Variants in TTC7B observed in about 807,000 individuals in gnomAD.
TTC7B encodes tetratricopeptide repeat domain 7B.
TTC7B carries 28 observed loss-of-function variants against 106.8 expected under a neutral mutation model. The ratio of observed to expected loss-of-function variants is 0.26; its 90% CI spans 0.19 to 0.36. The LOEUF is 0.36. Among genes scored for constraint, TTC7B ranks in the 10% least tolerant of loss-of-function variants. TTC7B has a pLI of 1.00. For missense variants in TTC7B, 862 were observed against 1,076.4 expected (o/e 0.80, Z 2.79); for synonymous variants, 405 against 430.6 (o/e 0.94, Z 0.74).
At chr14:90,673,481 T>C (rs1275999917) in intron 9 of TTC7B, among the ~76,000 whole-genome samples, 3 of 152,216 alleles carry the variant, frequency 2.0e-5, no homozygotes, top group African/African-American at 7.2e-5. Flanking sequence ...AACAGAAGGA[T>C]GGCATGTCTA....
At chr14:90,571,826 A>G (rs932117246) in intron 19 of TTC7B, among the ~76,000 whole-genome samples, 1 of 152,216 alleles carries the variant, frequency 6.6e-6, no homozygotes, top group African/African-American at 2.4e-5. Flanking sequence ...AAAACTGCAG[A>G]TGTGCCAATG....
chr14:90,802,580 A>G lies in TTC7B; in HGVS notation c.121+13595T>C, dbSNP rs1426783318. Among the ~76,000 whole-genome samples, 2 of 152,182 alleles carry G rather than the reference A, an allele frequency of 1.3e-5. No homozygotes were observed. The highest frequency in any genetic ancestry group is 4.8e-5 in the African/African-American group (2 of 41,458). On this transcript the variant is annotated intron_variant, in intron 1 of 19. Coordinates refer to ENST00000328459, the MANE Select transcript of TTC7B (RefSeq NM_001010854.2). This position sits in a 1 kb window ranked among gnomAD's most constrained non-coding sequence, Gnocchi z 4.7. ...AAAGTATGAGGCAAGGTCATGAGCTAGGCATGAGAGGGTGGCTTTCAAAGG... is the reference window on the plus strand; with the variant it reads ...AAAGTATGAGGCAAGGTCATGAGCTGGGCATGAGAGGGTGGCTTTCAAAGG...
intron 6 of TTC7B, among the ~76,000 whole-genome samples, chr14:90,693,755 G>T (rs1887563522): frequency 6.6e-6 from 1 of 152,172 alleles, no homozygotes; most frequent in Non-Finnish European, 1.5e-5. Context: ...CATAACTGCT[G>T]GTGGGAATGT....
At chr14:90,761,445 C>T (rs1250303370) in intron 3 of TTC7B, among the ~76,000 whole-genome samples, 3 of 152,236 alleles carry the variant, frequency 2.0e-5, no homozygotes, top group South Asian at 4.1e-4. Flanking sequence ...GACCATTTTC[C>T]ACACCCCTAT....
At chr14:90,809,371 G>C (rs1306731599) in intron 1 of TTC7B, among the ~76,000 whole-genome samples, 1 of 152,234 alleles carries the variant, frequency 6.6e-6, no homozygotes, top group African/African-American at 2.4e-5. Context: ...ACAAGCAAGG[G>C]AGTGTATCTA....
intron 2 of TTC7B, among the ~76,000 whole-genome samples, chr14:90,782,012 A>G (rs183173413): frequency 6.6e-6 from 1 of 152,340 alleles, no homozygotes; most frequent in African/African-American, 2.4e-5. Context: ...TGCTTACAGA[A>G]GCACACCATG....
intron 15 of TTC7B, 42 bp from the exon 16 acceptor site, chr14:90,618,087 C>A: frequency 7.0e-7 from 1 of 1,435,386 alleles, no homozygotes; most frequent in Non-Finnish European, 9.8e-7. Flanking sequence ...ACGGCTCAAG[C>A]CACAGAGTCC....
intron 3 of TTC7B, among the ~76,000 whole-genome samples, chr14:90,763,894 A>G (rs1438152204): frequency 6.6e-6 from 1 of 152,222 alleles, no homozygotes; most frequent in African/African-American, 2.4e-5. Context: ...TATTGTTAAG[A>G]AAGCAATACT....
chr14:90,597,284 A>G (rs536970680), intron 17 of TTC7B, among the ~76,000 whole-genome samples: 57 of 152,312 alleles, frequency 3.7e-4, no homozygotes, highest in African/African-American at 1.4e-3. Flanking sequence ...AACAAATAAA[A>G]GTCTTCCATT....
At chr14:90,594,929 A>G (rs542740840) in intron 17 of TTC7B, among the ~76,000 whole-genome samples, 1 of 152,326 alleles carries the variant, frequency 6.6e-6, no homozygotes, top group Admixed American at 6.5e-5. Context: ...GGGTTGGTGG[A>G]TGGAAATCAG....
chr14:90,652,480 G>GTT (rs35126260), intron 13 of TTC7B, among the ~76,000 whole-genome samples: 2 of 110,266 alleles, frequency 1.8e-5, no homozygotes, highest in Non-Finnish European at 1.9e-5. Flanking sequence ...AGTTTGACAT[G>GTT]TTTTTTTTAA....
At chr14:90,618,137 C>T in intron 15 of TTC7B, 92 bp from the exon 16 acceptor site, 2 of 860,320 alleles carry the variant, frequency 2.3e-6, no homozygotes, top group Middle Eastern at 2.3e-4. Flanking sequence ...GACCCAGAAG[C>T]AGCTGTACTC....
intron 18 of TTC7B, among the ~76,000 whole-genome samples, chr14:90,587,108 T>G (rs1415942882): frequency 6.6e-6 from 1 of 152,182 alleles, no homozygotes; most frequent in Non-Finnish European, 1.5e-5. Context: ...GGCGTCCACT[T>G]TGACTGCCTT....
chr14:90,602,891 C>T (rs146717701), intron 17 of TTC7B, among the ~76,000 whole-genome samples: 12 of 152,300 alleles, frequency 7.9e-5, no homozygotes, highest in African/African-American at 2.9e-4. Flanking sequence ...GTTCCCTCTA[C>T]CTAAAATTTA....
At chr14:90,598,266 G>A (rs989395253) in intron 17 of TTC7B, among the ~76,000 whole-genome samples, 14 of 152,222 alleles carry the variant, frequency 9.2e-5, no homozygotes, top group Non-Finnish European at 1.5e-4. Flanking sequence ...CAAACGGCCC[G>A]AATGGTGCAA....
intron 1 of TTC7B, among the ~76,000 whole-genome samples, chr14:90,787,234 G>T (rs17094709): frequency 0.1 from 15,309 of 152,038 alleles, 1,965 homozygotes; most frequent in African/African-American, 0.3. Flanking sequence ...TACTACTTAC[G>T]GTTATAACTT....
At chr14:90,745,384 T>A (rs1301804609) in intron 3 of TTC7B, among the ~76,000 whole-genome samples, 1 of 152,016 alleles carries the variant, frequency 6.6e-6, no homozygotes, top group Non-Finnish European at 1.5e-5. Context: ...GGAGAAAGCA[T>A]TCAGTCAGAA....
Position 90,719,013 on chromosome 14 carries a change from C to A in TTC7B, c.698+11062G>T, listed in dbSNP as rs1293567607. ...CAGTGGCTTGCGCCTGTAATCCCAG[C>A]ACTTTGGGAGGTCCAGGTGGGCAGA... On this transcript the variant is annotated intron_variant, in intron 5 of 19. Coordinates refer to ENST00000328459, the MANE Select transcript of TTC7B (RefSeq NM_001010854.2). Among the ~76,000 whole-genome samples, 4 of 152,034 alleles carry A rather than the reference C, an allele frequency of 2.6e-5. No individual in the cohort carries two copies. In the East Asian group the frequency reaches 5.8e-4, roughly 22 times the overall value.
intron 9 of TTC7B, chr14:90,675,304 A>G (rs1886786992): frequency 6.6e-6 from 1 of 152,302 alleles, no homozygotes. Flanking sequence ...ACCTTAAAGG[A>G]ATTCAACTGT....
Sources: allele counts gnomAD v4.1 joint callset (sites outside exome capture counted in the v4.1 genomes callset), GRCh38; gene constraint gnomAD v4.1.1; non-coding constraint Gnocchi (gnomAD v3.1); transcripts MANE v1.5; gene names NCBI Gene and HGNC (gene_info 2026-07-23, HGNC 2026-07-21).